The following ADAM18 variants were observed in gnomAD, a reference collection of about 807,000 sequenced individuals.
The protein encoded by ADAM18 is ADAM metallopeptidase domain 18, also known as disintegrin and metalloproteinase domain-containing protein 18.
In ADAM18, 117 loss-of-function variants were observed where a neutral mutation model predicts 94.4. The ratio of observed to expected loss-of-function variants is 1.24; its 90% CI spans 1.07 to 1.45. The LOEUF (loss-of-function observed/expected upper bound fraction) is 1.45, where lower values mean the gene tolerates loss of function less well. Among genes scored for constraint, ADAM18 ranks in the 40% most tolerant of loss-of-function variants. ADAM18 has a pLI of 0.00. For missense variants in ADAM18, 936 were observed against 880.0 expected, an observed-to-expected ratio of 1.06 and a Z score of -0.81; for synonymous variants, 327 against 291.6, an observed-to-expected ratio of 1.12 and a Z score of -1.24.
In ADAM18 at chr8:39,648,526, A is replaced by C. The variant is rs1820446287; in HGVS notation, c.1229A>C (p.Asn410Thr). ...GAAGAATGTGACTGTGGTAATAAAA[A>C]TGTGAGTAACAAAGATTGAAACTCG... ...SNEECDCGNK[N>T]ECQFKKCCDY... Residue 410 changes from asparagine (N) to threonine (T), a missense_variant and splice_region_variant, in exon 12 of 20, where the codon AAT becomes ACT. Physicochemically the swap from Asn to Thr is moderately conservative, Grantham distance 65. Coordinates refer to ENST00000265707, the MANE Select transcript of ADAM18 (RefSeq NM_014237.3). The C allele has an allele frequency of 6.3e-7, 1 of 1,592,900 alleles. No homozygotes were observed. Among genetic ancestry groups the C allele is most frequent in the Non-Finnish European group, 8.5e-7 (1 of 1,171,342 alleles).
intron 2 of ADAM18, among the ~76,000 whole-genome samples, chr8:39,586,589 T>G (rs2129457910): frequency 6.6e-6 from 1 of 152,172 alleles, no homozygotes; most frequent in South Asian, 2.1e-4. Context: ...TAACTGGGTG[T>G]GGTGGTGTGT....
At chr8:39,702,337 GT>G (rs896024560) in intron 17 of ADAM18, among the ~76,000 whole-genome samples, 4 of 151,538 alleles carry the variant, frequency 2.6e-5, no homozygotes, top group South Asian at 2.1e-4. Flanking sequence ...TTTTAATGGG[GT>G]TTTTTTTCTT....
In ADAM18 at chr8:39,680,078, A is replaced by T. The variant is rs1211180950; in HGVS notation, c.1673A>T (p.Lys558Ile). 1.2e-6 allele frequency: 2 copies of T among 1,613,818 alleles called. No homozygotes were observed. Among genetic ancestry groups the T allele is most frequent in the Non-Finnish European group, 1.7e-6 (2 of 1,179,870 alleles). ...CGKLACVQPH[K>I]NANKSDAQST... ...AAATTAGCTTGTGTTCAGCCACATAAAAATGCTAATAAAAGTGACGCTCAA... is the reference window on the plus strand; with the variant it reads ...AAATTAGCTTGTGTTCAGCCACATATAAATGCTAATAAAAGTGACGCTCAA... The change falls in exon 16 of 20, where the codon AAA (lysine) becomes ATA (isoleucine). Residue 558 changes from lysine to isoleucine, a missense_variant. Lys to Ile is a moderately radical substitution (Grantham distance 102). Transcript: ENST00000265707.
intron 18 of ADAM18, among the ~76,000 whole-genome samples, chr8:39,708,686 T>C (rs1036039682): frequency 6.6e-6 from 1 of 151,608 alleles, no homozygotes; most frequent in East Asian, 1.9e-4. Flanking sequence ...CAGGAGGGAG[T>C]GTGTGAGTGA....
At chr8:39,618,633 C>T (rs1819518225) in intron 6 of ADAM18, among the ~76,000 whole-genome samples, 1 of 152,128 alleles carries the variant, frequency 6.6e-6, no homozygotes, top group Admixed American at 6.5e-5. Flanking sequence ...CAGAAATTCT[C>T]AGAAGGGAGT....
intron 19 of ADAM18, among the ~76,000 whole-genome samples, chr8:39,725,838 T>A (rs1377780379): frequency 6.6e-6 from 1 of 152,162 alleles, no homozygotes; most frequent in African/African-American, 2.4e-5. Flanking sequence ...CTCTTCAAGG[T>A]CCTGATTTCA....
chr8:39,698,506 G>T (rs1056843716), intron 17 of ADAM18, among the ~76,000 whole-genome samples: 2 of 151,846 alleles, frequency 1.3e-5, no homozygotes, highest in Admixed American at 6.6e-5. Context: ...TTGGTGAATT[G>T]CTTGGTGTGT....
intron 8 of ADAM18, 90 bp downstream of exon 8, chr8:39,637,425 C>G (rs1341835970): frequency 4.3e-6 from 6 of 1,410,940 alleles, no homozygotes; most frequent in Admixed American, 4.3e-5. Flanking sequence ...AACTTAAATA[C>G]TTTTTATTAG....
chr8:39,727,014 A>C (rs1460824138), intron 19 of ADAM18, among the ~76,000 whole-genome samples: 11 of 152,218 alleles, frequency 7.2e-5, no homozygotes, highest in Non-Finnish European at 1.5e-4. Flanking sequence ...TGATAGAGAA[A>C]GCTAAATTAT....
intron 19 of ADAM18, among the ~76,000 whole-genome samples, chr8:39,728,913 A>G (rs1034326169): frequency 3.5e-4 from 54 of 152,296 alleles, no homozygotes; most frequent in African/African-American, 1.2e-3. Flanking sequence ...AGGTAATTCT[A>G]TTTTTATATT....
At chr8:39,591,950 C>T (rs892650726) in intron 2 of ADAM18, among the ~76,000 whole-genome samples, 5 of 152,194 alleles carry the variant, frequency 3.3e-5, no homozygotes, top group Admixed American at 2.6e-4. Flanking sequence ...CCTTGCACAT[C>T]TCCGTTAGAG....
chr8:39,688,160 G>C (rs1350607985), intron 16 of ADAM18, among the ~76,000 whole-genome samples: 1 of 152,112 alleles, frequency 6.6e-6, no homozygotes, highest in Non-Finnish European at 1.5e-5. Context: ...GATGTGAGAT[G>C]GTACCTCATT....
At chr8:39,653,508 G>T (rs1820597392) in intron 12 of ADAM18, among the ~76,000 whole-genome samples, 1 of 152,068 alleles carries the variant, frequency 6.6e-6, no homozygotes, top group Admixed American at 6.6e-5. Context: ...AGCCTTAAAA[G>T]AAATCACATC....
chr8:39,638,567 T>C, intron 10 of ADAM18, 21 bp downstream of exon 10: 1 of 1,421,346 alleles, frequency 7.0e-7, no homozygotes, highest in Non-Finnish European at 9.5e-7. Context: ...TTTATTCTTC[T>C]TTACATCACT....
intron 13 of ADAM18, among the ~76,000 whole-genome samples, chr8:39,667,729 T>C (rs1821030184): frequency 6.6e-6 from 1 of 152,172 alleles, no homozygotes; most frequent in Non-Finnish European, 1.5e-5. Flanking sequence ...GCTGTTTGAG[T>C]CAGCTTATTT....
At chr8:39,636,164 AT>A (rs1820071107) in intron 7 of ADAM18, among the ~76,000 whole-genome samples, 3 of 152,126 alleles carry the variant, frequency 2.0e-5, no homozygotes, top group East Asian at 1.9e-4. Context: ...GACTACAGGC[AT>A]GCACCACAAT....
At chr8:39,603,046 G>A (rs1818956878) in intron 2 of ADAM18, among the ~76,000 whole-genome samples, 1 of 152,156 alleles carries the variant, frequency 6.6e-6, no homozygotes, top group South Asian at 2.1e-4. Flanking sequence ...TTGCACACTT[G>A]TGCAAGGTGT....
intron 2 of ADAM18, among the ~76,000 whole-genome samples, chr8:39,588,826 AGTACTT>A (rs1818485310): frequency 6.6e-6 from 1 of 152,218 alleles, no homozygotes; most frequent in African/African-American, 2.4e-5. Flanking sequence ...AGGTTGTTAA[AGTACTT>A]ATAAGATTTT....
At position 39,638,455 on chromosome 8, in the gene ADAM18, A is replaced by T. The variant is rs1448019102; in HGVS notation, c.828-10A>T. On this transcript the variant is annotated splice_polypyrimidine_tract_variant and intron_variant, in intron 9 of 19. Coordinates refer to ENST00000265707, the MANE Select transcript of ADAM18 (RefSeq NM_014237.3). The stretch of plus-strand genomic sequence containing the variant: ...CATAACTACGTTAATAAAAAATTAT[A>T]ATAATGTAGTTACAGGAAACATCCT... 1 of 1,522,740 alleles carries T rather than the reference A, an allele frequency of 6.6e-7. No homozygotes were observed. Among genetic ancestry groups the T allele is most frequent in the Non-Finnish European group, 8.9e-7 (1 of 1,123,374 alleles). The allele number at this position is 1,522,740 out of a possible 1,614,324, so 94.3% of individuals were successfully genotyped here.
Sources: gnomAD v4.1 joint callset for allele counts (sites outside exome capture counted in the v4.1 genomes callset) on GRCh38, gnomAD v4.1.1 for gene constraint, MANE v1.5 for transcripts, NCBI Gene and HGNC (gene_info 2026-07-23, HGNC 2026-07-21) for gene names.